Variants in AKAP7 observed in about 807,000 individuals in gnomAD.
AKAP7 encodes A-kinase anchoring protein 7, also known as A kinase (PRKA) anchor protein 7.
AKAP7 carries 39 observed loss-of-function variants against 39.5 expected under a neutral mutation model. The observed-to-expected ratio is 0.99, with a 90% CI of 0.76 to 1.29. AKAP7 has a LOEUF of 1.29. Among genes scored for constraint, AKAP7 ranks in the 50% most tolerant of loss-of-function variants. AKAP7 has a pLI of 0.00. For missense variants in AKAP7, 414 were observed against 407.7 expected, an observed-to-expected ratio of 1.02 and a Z score of -0.13; for synonymous variants, 140 against 139.1, an observed-to-expected ratio of 1.01 and a Z score of -0.05.
intron 7 of AKAP7, among the ~76,000 whole-genome samples, chr6:131,251,895 A>G (rs1011730379): frequency 5.3e-5 from 8 of 152,358 alleles, no homozygotes; most frequent in African/African-American, 1.7e-4. Flanking sequence ...TAGTTCCTGA[A>G]GATTTGGGTT....
chr6:131,250,109 A>C, intron 7 of AKAP7: 1 of 933,750 alleles, frequency 1.1e-6, no homozygotes, highest in South Asian at 4.9e-5. Flanking sequence ...TTCCTCTTTA[A>C]GTAGCAGACA....
At chr6:131,181,942 A>G (rs1216294037) in intron 5 of AKAP7, among the ~76,000 whole-genome samples, 2 of 152,028 alleles carry the variant, frequency 1.3e-5, no homozygotes, top group African/African-American at 2.4e-5. Flanking sequence ...TGGCCAACAT[A>G]GTGAAACTCC....
chr6:131,226,194 T>C (rs150676062), intron 7 of AKAP7, among the ~76,000 whole-genome samples: 1 of 152,364 alleles, frequency 6.6e-6, no homozygotes. Context: ...CCTACTTGGC[T>C]CCTGAGAGCA....
chr6:131,278,631 T>C (rs374431297), intron 7 of AKAP7, among the ~76,000 whole-genome samples: 69 of 152,224 alleles, frequency 4.5e-4, no homozygotes, highest in African/African-American at 1.6e-3. Context: ...GAAGCAGGCA[T>C]ATCTTACACG....
rs1187088706 is a variant in AKAP7 at position 131,135,536 on chromosome 6, C to T, written c.-228C>T. 5 of 184,118 alleles carry T rather than the reference C, an allele frequency of 2.7e-5. No homozygotes were observed. The highest frequency in any genetic ancestry group is 5.2e-5 in the Non-Finnish European group (5 of 96,982). 11.4% of individuals were successfully genotyped at this position (184,118 alleles called of 1,614,324 possible). On this transcript the variant is annotated 5_prime_UTR_variant, in exon 1 of 8. Coordinates refer to ENST00000431975, the MANE Select transcript of AKAP7 (RefSeq NM_016377.4). ...GCTGCGGCTGCCGCCGCCGCTGCTGCCGCTGCCGCGGGGGCTGCGGCTTGG... is the reference window on the plus strand; with the variant it reads ...GCTGCGGCTGCCGCCGCCGCTGCTGTCGCTGCCGCGGGGGCTGCGGCTTGG...
chr6:131,262,412 C>T (rs1457160806), intron 7 of AKAP7, among the ~76,000 whole-genome samples: 1 of 152,134 alleles, frequency 6.6e-6, no homozygotes, highest in Non-Finnish European at 1.5e-5. Context: ...ATAACTGGCA[C>T]ATCGTTGTTG....
At chr6:131,275,336 G>A (rs1814659328) in intron 7 of AKAP7, among the ~76,000 whole-genome samples, 1 of 152,174 alleles carries the variant, frequency 6.6e-6, no homozygotes, top group Admixed American at 6.5e-5. Flanking sequence ...CTTTGGTTTA[G>A]AGAGGTCACG....
intron 7 of AKAP7, among the ~76,000 whole-genome samples, chr6:131,240,347 G>A (rs1180604246): frequency 1.3e-5 from 2 of 152,176 alleles, no homozygotes; most frequent in African/African-American, 2.4e-5. Context: ...TAGGCTGCTT[G>A]GGGGTCAGGG....
In AKAP7 at chr6:131,165,119, A is replaced by G. The variant is rs759638372; in HGVS notation, c.330A>G (p.Ile110Met). 3.7e-6 allele frequency: 6 copies of G among 1,611,792 alleles called. No homozygotes were observed. Among genetic ancestry groups the G allele is most frequent in the Non-Finnish European group, 5.1e-6 (6 of 1,178,554 alleles). ...KGIKILQNAI[I>M]QQDERLAKAM... The stretch of plus-strand genomic sequence containing the variant: ...TTAAGATCCTGCAGAATGCAATAAT[A>G]CAACAAGATGAGCGACTGGCCAAAG... Residue 110 changes from isoleucine to methionine, a missense_variant, in exon 4 of 8, where the codon ATA becomes ATG. Coordinates refer to ENST00000431975, the MANE Select transcript of AKAP7 (RefSeq NM_016377.4).
intron 7 of AKAP7, among the ~76,000 whole-genome samples, chr6:131,239,878 T>G (rs1811381548): frequency 6.6e-6 from 1 of 152,212 alleles, no homozygotes; most frequent in Non-Finnish European, 1.5e-5. Flanking sequence ...TGGAGTAGTT[T>G]GATCGTCTGA....
In AKAP7 at chr6:131,261,269, A is replaced by AAGAT. The variant is rs528491844; in HGVS notation, c.851-20257_851-20254dup. Among the ~76,000 whole-genome samples the AAGAT allele has an allele frequency of 5.5e-3, 842 of 152,192 alleles. 11 individuals carry two copies. Among genetic ancestry groups the AAGAT allele is most frequent in the African/African-American group, 0.019 (794 of 41,496 alleles). ...GCTTTAAGACCAACAAATATGCTTT[A>AAGAT]AGATAGAAGTATAACATACAAGTTT... On this transcript the variant is annotated intron_variant, in intron 7 of 7. Transcript: ENST00000431975.
At chr6:131,274,180 A>G (rs368577631) in intron 7 of AKAP7, among the ~76,000 whole-genome samples, 15 of 152,090 alleles carry the variant, frequency 9.9e-5, no homozygotes, top group African/African-American at 3.6e-4. Flanking sequence ...GGTTTTCAGA[A>G]ATTTGATCAT....
chr6:131,279,394 G>GAGTA (rs1815023977), intron 7 of AKAP7, among the ~76,000 whole-genome samples: 1 of 152,046 alleles, frequency 6.6e-6, no homozygotes, highest in African/African-American at 2.4e-5. Context: ...TCAGCCCCCT[G>GAGTA]AGTAGCTGGG....
At chr6:131,254,411 T>A (rs962926696) in intron 7 of AKAP7, among the ~76,000 whole-genome samples, 1 of 152,238 alleles carries the variant, frequency 6.6e-6, no homozygotes, top group African/African-American at 2.4e-5. Flanking sequence ...GTGGTCAATA[T>A]TGCAGAGGCA....
intron 1 of AKAP7, among the ~76,000 whole-genome samples, chr6:131,140,914 C>G (rs930881975): frequency 1.1e-4 from 17 of 152,154 alleles, no homozygotes; most frequent in Non-Finnish European, 2.4e-4. Flanking sequence ...CTTGTTCTCG[C>G]ATTTTTCACA....
intron 5 of AKAP7, among the ~76,000 whole-genome samples, chr6:131,182,962 A>C (rs1027178591): frequency 8.6e-5 from 13 of 151,756 alleles, no homozygotes; most frequent in Admixed American, 5.9e-4. Flanking sequence ...GGAGTTCAAC[A>C]AAAAAAATTT....
At chr6:131,254,957 G>T (rs1033400670) in intron 7 of AKAP7, among the ~76,000 whole-genome samples, 3 of 152,058 alleles carry the variant, frequency 2.0e-5, no homozygotes, top group Non-Finnish European at 2.9e-5. Context: ...ATAAATTGAG[G>T]TATGCAGTGT....
intron 7 of AKAP7, among the ~76,000 whole-genome samples, chr6:131,224,878 G>A (rs1164265792): frequency 6.6e-6 from 1 of 151,262 alleles, no homozygotes; most frequent in African/African-American, 2.4e-5. Flanking sequence ...AGCCTCCCGA[G>A]TAGCTGGGAC....
intron 2 of AKAP7, among the ~76,000 whole-genome samples, chr6:131,150,469 G>T (rs1392994908): frequency 6.6e-6 from 1 of 152,058 alleles, no homozygotes; most frequent in African/African-American, 2.4e-5. Context: ...AGTCAGTTAA[G>T]AAAATAAAAG....
Sources: allele counts gnomAD v4.1 joint callset (sites outside exome capture counted in the v4.1 genomes callset), GRCh38; gene constraint gnomAD v4.1.1; transcripts MANE v1.5; gene names NCBI Gene and HGNC (gene_info 2026-07-23, HGNC 2026-07-21).